MSH4: variants seen among roughly 807,000 people sequenced by gnomAD.
The protein encoded by MSH4 is mutS homolog 4, also known as mutS protein homolog 4.
In MSH4, 106 loss-of-function variants were observed where a neutral mutation model predicts 113.7. The observed-to-expected ratio is 0.93, with a 90% CI of 0.80 to 1.10. The LOEUF (loss-of-function observed/expected upper bound fraction) is 1.10. Ranked by LOEUF, MSH4 falls within the 50% of genes least tolerant of loss-of-function variation. The pLI is 0.00. For missense variants in MSH4, 1,061 were observed against 1,093.7 expected (o/e 0.97, Z 0.42); for synonymous variants, 368 against 380.2 (o/e 0.97, Z 0.37).
chr1:75,854,262 A>G (rs1651267470), intron 8 of MSH4, among the ~76,000 whole-genome samples: 1 of 151,798 alleles, frequency 6.6e-6, no homozygotes, highest in Non-Finnish European at 1.5e-5. Context: ...TATTTGATAT[A>G]TTCAGGAGGA....
chr1:75,867,404 TATA>T, intron 8 of MSH4, 107 bp from the exon 9 acceptor site: 2 of 662,914 alleles, frequency 3.0e-6, no homozygotes, highest in African/African-American at 4.4e-5. Context: ...GCTAGGCTGA[TATA>T]TAAAAATATA....
chr1:75,904,260 G>C (rs979518333), intron 19 of MSH4, among the ~76,000 whole-genome samples: 1 of 151,994 alleles, frequency 6.6e-6, no homozygotes, highest in African/African-American at 2.4e-5. Context: ...TGTTGTATTT[G>C]GTTTGCTAGT....
chr1:75,898,121 A>G (rs1176916883), intron 18 of MSH4, 40 bp downstream of exon 18: 15 of 1,315,950 alleles, frequency 1.1e-5, no homozygotes, highest in Non-Finnish European at 1.5e-5. Flanking sequence ...TTCAAATACT[A>G]TATATTCTCC....
chr1:75,806,864 C>A, intron 2 of MSH4, 117 bp from the exon 3 acceptor site: 1 of 844,822 alleles, frequency 1.2e-6, no homozygotes, highest in Non-Finnish European at 1.7e-6. Flanking sequence ...AAGAGGCTAA[C>A]TGATATCTAC....
rs72458089 is a variant in MSH4 at position 75,854,011 on chromosome 1, G to GTATATATATATA, written c.1230+5736_1230+5737insATATATATATAT. 4.1e-4 allele frequency among the ~76,000 whole-genome samples: 46 copies of GTATATATATATA among 112,164 alleles called. 1 individual carries two copies. The highest frequency in any genetic ancestry group is 1.7e-3 in the East Asian group (4 of 2,350). The allele number at this position is 112,164 out of a possible 152,430, so 73.6% of individuals were successfully genotyped here. ...TCATGGCTAGGGCATAAGTGTGTGTGTGTATATATATATATATGCATAAAT... is the reference window on the plus strand; with the variant it reads ...TCATGGCTAGGGCATAAGTGTGTGTGTATATATATATATGTATATATATATATATGCATAAAT... On this transcript the variant is annotated intron_variant, in intron 8 of 19. Coordinates refer to ENST00000263187, the MANE Select transcript of MSH4 (RefSeq NM_002440.4).
At chr1:75,898,148 CTCT>C (rs1171110151) in intron 18 of MSH4, 67 bp downstream of exon 18, 1 of 1,067,570 alleles carries the variant, frequency 9.4e-7, no homozygotes, top group African/African-American at 1.6e-5. Flanking sequence ...AAACTTTCAT[CTCT>C]TCTTTACTTG....
intron 13 of MSH4, 39 bp downstream of exon 13, chr1:75,880,192 G>T (rs756611951): frequency 9.0e-7 from 1 of 1,115,086 alleles, no homozygotes; most frequent in Non-Finnish European, 1.3e-6. Flanking sequence ...GAATTAAATT[G>T]GTTTAATTTG....
intron 3 of MSH4, among the ~76,000 whole-genome samples, chr1:75,808,086 A>T (rs923239430): frequency 3.9e-5 from 6 of 152,186 alleles, no homozygotes; most frequent in Admixed American, 2.0e-4. Context: ...TACATCATTT[A>T]TTTGTGAAAG....
In MSH4 at chr1:75,867,588, G is replaced by A. The variant is rs148851327; in HGVS notation, c.1305G>A (p.Lys435=). Residue 435 remains lysine, a splice_region_variant and synonymous_variant, in exon 9 of 20, where the codon AAG becomes AAA. Coordinates refer to ENST00000263187, the MANE Select transcript of MSH4 (RefSeq NM_002440.4). ...KHTLELVDPL[K]IAMKNCNTPL... ...CCTTGGAACTTGTGGATCCTTTAAAGGTAATTTATGTGTGTGTATCGTACA... is the reference window on the plus strand; with the variant it reads ...CCTTGGAACTTGTGGATCCTTTAAAAGTAATTTATGTGTGTGTATCGTACA... 6.5e-7 allele frequency: 1 copy of A among 1,538,504 alleles called. No individual in the cohort carries two copies. The highest frequency in any genetic ancestry group is 1.4e-5 in the African/African-American group (1 of 72,592).
intron 8 of MSH4, among the ~76,000 whole-genome samples, chr1:75,854,820 T>C (rs1651280406): frequency 6.6e-6 from 1 of 152,212 alleles, no homozygotes; most frequent in Admixed American, 6.5e-5. Context: ...GACTTAAACA[T>C]GAATAATCAA....
intron 8 of MSH4, among the ~76,000 whole-genome samples, 165 bp from the exon 9 acceptor site, chr1:75,867,349 A>G (rs1422250138): frequency 6.6e-6 from 1 of 152,156 alleles, no homozygotes; most frequent in Non-Finnish European, 1.5e-5. Context: ...TAGGTTAATT[A>G]TGGTGGGTCA....
intron 7 of MSH4, among the ~76,000 whole-genome samples, chr1:75,844,507 T>C (rs1651034867): frequency 6.6e-6 from 1 of 151,958 alleles, no homozygotes. Context: ...TTGTATTTTT[T>C]GTAGAGACAG....
At chr1:75,876,687 G>A (rs1651823824) in intron 9 of MSH4, among the ~76,000 whole-genome samples, 2 of 151,934 alleles carry the variant, frequency 1.3e-5, no homozygotes, top group South Asian at 4.1e-4. Flanking sequence ...AATTAGTAGA[G>A]AGGCAAGAAA....
intron 3 of MSH4, among the ~76,000 whole-genome samples, chr1:75,809,175 G>T (rs1233746946): frequency 3.3e-5 from 5 of 151,998 alleles, no homozygotes; most frequent in African/African-American, 4.8e-5. Context: ...TGCCCCTCGG[G>T]TTCCCAAAGT....
chr1:75,797,051 A>C lies in MSH4; in HGVS notation c.66A>C (p.Glu22Asp), dbSNP rs202079864. The C allele has an allele frequency of 1.2e-6, 2 of 1,613,996 alleles. No homozygotes were observed. Among genetic ancestry groups the C allele is most frequent in the Non-Finnish European group, 1.7e-6 (2 of 1,179,952 alleles). ...SAPAVSPSSG[E>D]TRSPQGPRYN... ...CGGCGGTTTCCCCGTCGTCGGGAGA[A>C]ACCCGCTCACCTCAGGGTCCCCGCT... Residue 22 changes from glutamate (E) to aspartate (D), a missense_variant, in exon 1 of 20, where the codon GAA (glutamate) becomes GAC (aspartate). Transcript: ENST00000263187.
In MSH4 at chr1:75,899,605, C is replaced by G; in HGVS notation, c.2531-13C>G. Reference sequence around the variant, plus strand: ...AACAATATTGAAGCCAAATTTAAAACAAATAATTCTAGGATTAAAAGCTGC... The same window carrying G: ...AACAATATTGAAGCCAAATTTAAAAGAAATAATTCTAGGATTAAAAGCTGC... On this transcript the variant is annotated splice_polypyrimidine_tract_variant and intron_variant, in intron 18 of 19. Transcript: ENST00000263187. 1.4e-6 allele frequency: 2 copies of G among 1,455,390 alleles called. No homozygotes were observed. The highest frequency in any genetic ancestry group is 1.8e-6 in the Non-Finnish European group (2 of 1,097,244). 90.2% of individuals were successfully genotyped at this position (1,455,390 alleles called of 1,614,324 possible). A position where few individuals can be genotyped will look rare whatever the true frequency, so the allele number is the denominator to read the frequency against.
chr1:75,910,511 A>T (rs1652766364), intron 19 of MSH4, among the ~76,000 whole-genome samples: 1 of 151,480 alleles, frequency 6.6e-6, no homozygotes, highest in Non-Finnish European at 1.5e-5. Context: ...GGGCTCAAGC[A>T]TTCCACCCGC....
At chr1:75,889,399 A>G in intron 16 of MSH4, 30 bp downstream of exon 16, 1 of 1,004,440 alleles carries the variant, frequency 1.0e-6, no homozygotes. Flanking sequence ...CTTATGTTAA[A>G]AACATTAAAT....
intron 1 of MSH4, among the ~76,000 whole-genome samples, chr1:75,803,153 T>G (rs1436188177): frequency 6.6e-6 from 1 of 152,158 alleles, no homozygotes; most frequent in Non-Finnish European, 1.5e-5. Flanking sequence ...GCAACACATC[T>G]GGTATATTTG....
Sources: gnomAD v4.1 joint callset for allele counts (sites outside exome capture counted in the v4.1 genomes callset) on GRCh38, gnomAD v4.1.1 for gene constraint, MANE v1.5 for transcripts, NCBI Gene and HGNC (gene_info 2026-07-23, HGNC 2026-07-21) for gene names.